Variants in TACC1 observed in about 807,000 individuals in gnomAD.
TACC1 encodes the protein transforming acidic coiled-coil-containing protein 1.
A neutral mutation model predicts 84.4 loss-of-function variants in TACC1; 48 were observed. The observed-to-expected ratio is 0.57, with a 90% CI of 0.45 to 0.72. The LOEUF (loss-of-function observed/expected upper bound fraction) is 0.72. Among genes scored for constraint, TACC1 ranks in the 30% least tolerant of loss-of-function variants. The pLI is 0.00. For synonymous variants in TACC1, 372 were observed against 376.3 expected, an observed-to-expected ratio of 0.99 and a Z score of 0.13; for missense variants, 920 against 973.0, an observed-to-expected ratio of 0.95 and a Z score of 0.72.
At position 38,847,938 on chromosome 8, in the gene TACC1, TGTCA is replaced by T; in HGVS notation, c.2350-16_2350-13del. The T allele has an allele frequency of 1.2e-6, 2 of 1,611,902 alleles. No individual in the cohort carries two copies. Among genetic ancestry groups the T allele is most frequent in the Non-Finnish European group, 1.7e-6 (2 of 1,178,178 alleles). On this transcript the variant is annotated splice_polypyrimidine_tract_variant and intron_variant, in intron 12 of 12. Transcript: ENST00000317827. The stretch of plus-strand genomic sequence containing the variant: ...GAATACAAAGTGGCCTGCATAATTA[TGTCA>T]TTTGTCTTTCAGAACCAAGAAATTG...
At chr8:38,729,113 C>T (rs2151582847) in intron 1 of TACC1, among the ~76,000 whole-genome samples, 1 of 152,164 alleles carries the variant, frequency 6.6e-6, no homozygotes, top group South Asian at 2.1e-4. Context: ...GGGGACAGGG[C>T]TGGGAAAAGC....
At chr8:38,753,960 G>A (rs1274935758) in intron 3 of TACC1, among the ~76,000 whole-genome samples, 1 of 94,256 alleles carries the variant, frequency 1.1e-5, no homozygotes, top group African/African-American at 5.2e-5. Context: ...CATTTTTTGG[G>A]TTTTTTTTTT....
intron 3 of TACC1, among the ~76,000 whole-genome samples, chr8:38,773,444 A>C (rs1342097444): frequency 6.7e-6 from 1 of 148,554 alleles, no homozygotes; most frequent in Non-Finnish European, 1.5e-5. Context: ...TTAAATAAAT[A>C]CTAATATAAT....
chr8:38,829,291 A>G (rs1195546685), intron 5 of TACC1, among the ~76,000 whole-genome samples: 3 of 152,202 alleles, frequency 2.0e-5, no homozygotes, highest in African/African-American at 7.2e-5. Context: ...TTCTCATCCC[A>G]GGCCTCAGTC....
chr8:38,745,338 C>G, exon 3 of TACC1: 1 of 535,368 alleles, frequency 1.9e-6, no homozygotes, highest in Non-Finnish European at 3.3e-6. Context: ...AGAAAAAGAA[C>G]AGAATCTGGA....
intron 3 of TACC1, among the ~76,000 whole-genome samples, chr8:38,770,865 T>C (rs1386066118): frequency 6.6e-6 from 1 of 152,016 alleles, no homozygotes; most frequent in Non-Finnish European, 1.5e-5. Flanking sequence ...TGGGAATCTC[T>C]CAGCAGCTTT....
chr8:38,758,596 T>A (rs141163300), intron 3 of TACC1, among the ~76,000 whole-genome samples: 5,139 of 147,560 alleles, frequency 0.035, 123 homozygotes, highest in Middle Eastern at 0.065. Flanking sequence ...GGAGAATCAC[T>A]TGAACCCAGA....
chr8:38,751,036 A>G (rs989043670), intron 3 of TACC1, among the ~76,000 whole-genome samples: 4 of 152,240 alleles, frequency 2.6e-5, no homozygotes, highest in African/African-American at 9.6e-5. Flanking sequence ...TTTCAAGAAC[A>G]ATATGTGGCT....
At position 38,819,689 on chromosome 8, in the gene TACC1, G is replaced by A. The variant is rs767296535; in HGVS notation, c.445G>A (p.Val149Met). ...ACATGATTTTAGCAAAATTTCCATC[G>A]TGAGGCCATTTTCAATAGAAACGAA... ...PEHDFSKISI[V>M]RPFSIETKDS... Residue 149 changes from valine (V) to methionine (M), a missense_variant, in exon 3 of 13, where the codon GTG (valine) becomes ATG (methionine). Coordinates refer to ENST00000317827, the MANE Select transcript of TACC1 (RefSeq NM_006283.3). 5.0e-6 allele frequency: 8 copies of A among 1,614,140 alleles called. No individual in the cohort carries two copies. Among genetic ancestry groups the A allele is most frequent in the South Asian group, 1.1e-5 (1 of 91,080 alleles).
intron 2 of TACC1, among the ~76,000 whole-genome samples, chr8:38,796,405 C>T (rs995791012): frequency 5.9e-5 from 9 of 152,132 alleles, no homozygotes; most frequent in Admixed American, 5.2e-4. Flanking sequence ...AAAATGTTGC[C>T]AGAGCAGGGT....
At chr8:38,769,038 G>T (rs1812864039) in intron 3 of TACC1, among the ~76,000 whole-genome samples, 1 of 149,226 alleles carries the variant, frequency 6.7e-6, no homozygotes, top group African/African-American at 2.5e-5. Context: ...GGGGGTGGAG[G>T]TGTATGGTGT....
In TACC1 at chr8:38,811,562, A is replaced by G. The variant is rs139997425; in HGVS notation, c.278-7960A>G. ...ATTTCTTATGCCTGTCTTTACTGCAATCTCTGAACATAAATTGTGAAGATT... is the reference window on the plus strand; with the variant it reads ...ATTTCTTATGCCTGTCTTTACTGCAGTCTCTGAACATAAATTGTGAAGATT... On this transcript the variant is annotated intron_variant, in intron 2 of 12. Transcript: ENST00000317827. Among the ~76,000 whole-genome samples, 941 of 152,328 alleles carry G rather than the reference A, an allele frequency of 6.2e-3. 9 individuals are homozygous for G. The highest frequency in any genetic ancestry group is 0.022 in the African/African-American group (902 of 41,572).
chr8:38,758,129 A>G (rs1034779966), intron 3 of TACC1, among the ~76,000 whole-genome samples: 1 of 152,180 alleles, frequency 6.6e-6, no homozygotes, highest in African/African-American at 2.4e-5. Context: ...TTATTTATTT[A>G]TTGGAATGCA....
chr8:38,815,100 C>T (rs796601237), intron 2 of TACC1, among the ~76,000 whole-genome samples: 36 of 152,200 alleles, frequency 2.4e-4, no homozygotes, highest in African/African-American at 8.4e-4. Context: ...AAGGGTGGCT[C>T]TCCCACCATG....
rs1832343591 is a variant in TACC1, at chr8:38,846,576, C to T, written c.2229-123C>T. Reference sequence around the variant, plus strand: ...TCACCGATTTTTGTTTTTTTTCTCTCATGCAGTCAATTCTTTGAGGCCTGT... The same window carrying T: ...TCACCGATTTTTGTTTTTTTTCTCTTATGCAGTCAATTCTTTGAGGCCTGT... On this transcript the variant is annotated intron_variant, in intron 11 of 12. Transcript: ENST00000317827. 10 of 1,175,938 alleles carry T rather than the reference C, an allele frequency of 8.5e-6. No homozygotes were observed. The Admixed American group carries it at 1.7e-4, about 20-fold the overall frequency. The allele number at this position is 1,175,938 out of a possible 1,614,324, so 72.8% of individuals were successfully genotyped here.
intron 2 of TACC1, among the ~76,000 whole-genome samples, chr8:38,813,035 A>G (rs1311953472): frequency 3.9e-5 from 6 of 152,208 alleles, no homozygotes; most frequent in Non-Finnish European, 5.9e-5. Flanking sequence ...TATTGAGTTG[A>G]AATCCACTTT....
At chr8:38,751,532 T>C (rs373132488) in intron 3 of TACC1, among the ~76,000 whole-genome samples, 1 of 152,358 alleles carries the variant, frequency 6.6e-6, no homozygotes, top group East Asian at 1.9e-4. Context: ...TTCTTACAAA[T>C]TGAAAGTTTT....
At chr8:38,751,487 G>A (rs917377487) in intron 3 of TACC1, among the ~76,000 whole-genome samples, 2 of 152,218 alleles carry the variant, frequency 1.3e-5, no homozygotes, top group Admixed American at 6.5e-5. Flanking sequence ...TCGTTTTATT[G>A]CATTTCACTT....
At chr8:38,823,718 A>G (rs1827390757) in intron 3 of TACC1, among the ~76,000 whole-genome samples, 1 of 151,868 alleles carries the variant, frequency 6.6e-6, no homozygotes, top group Non-Finnish European at 1.5e-5. Flanking sequence ...GGAGTGCTAG[A>G]CCTCTTGGAA....
Sources: allele counts gnomAD v4.1 joint callset (sites outside exome capture counted in the v4.1 genomes callset), GRCh38; gene constraint gnomAD v4.1.1; transcripts MANE v1.5; gene names NCBI Gene and HGNC (gene_info 2026-07-23, HGNC 2026-07-21).